The following ARHGDIB variants were observed in gnomAD, a reference collection of about 807,000 sequenced individuals.
ARHGDIB encodes the protein Rho GDP dissociation inhibitor beta.
A neutral mutation model predicts 22.6 loss-of-function variants in ARHGDIB; 20 were observed. The ratio of observed to expected loss-of-function variants is 0.88; its 90% CI spans 0.62 to 1.28. The LOEUF (loss-of-function observed/expected upper bound fraction) is 1.28, where lower values mean the gene tolerates loss of function less well. ARHGDIB is among the 50% of genes most tolerant of loss of function. ARHGDIB has a pLI of 0.00. For missense variants in ARHGDIB, 254 were observed against 245.4 expected (o/e 1.04, Z -0.23); for synonymous variants, 114 against 96.1 (o/e 1.19, Z -1.09).
chr12:14,949,824 T>C lies in ARHGDIB; in HGVS notation c.243A>G (p.Gly81=). The change falls in exon 3 of 6, where the codon GGA becomes GGG. Residue 81 remains glycine (G), a synonymous_variant. Coordinates refer to ENST00000228945, the MANE Select transcript of ARHGDIB (RefSeq NM_001175.7). ...RLTLVCESAP[G]PITMDLTGDL... Reference sequence around the variant, plus strand: ...TACCAGTAAGGTCCATGGTGATTGGTCCCGGGGCACTCTCACAAACCAGGG... The same window carrying C: ...TACCAGTAAGGTCCATGGTGATTGGCCCCGGGGCACTCTCACAAACCAGGG... The C allele has an allele frequency of 6.2e-7, 1 of 1,613,678 alleles. No homozygotes were observed. Among genetic ancestry groups the C allele is most frequent in the Non-Finnish European group, 8.5e-7 (1 of 1,179,686 alleles).
At position 14,959,407 on chromosome 12, in the gene ARHGDIB, T is replaced by C. The variant is rs190915333; in HGVS notation, c.-13+2130A>G. ...TGTGAATTGCAATTCAGAGGCATTG[T>C]GGCTATTGATCCTTTTTGTATCAGT... On this transcript the variant is annotated intron_variant, in intron 1 of 5. Coordinates refer to ENST00000228945, the MANE Select transcript of ARHGDIB (RefSeq NM_001175.7). Among the ~76,000 whole-genome samples, 247 of 152,322 alleles carry C rather than the reference T, an allele frequency of 1.6e-3. 2 individuals are homozygous for C. The Middle Eastern group carries it at 0.017, about 10-fold the overall frequency.
At chr12:14,954,714 C>T (rs1864262398) in intron 1 of ARHGDIB, among the ~76,000 whole-genome samples, 1 of 152,208 alleles carries the variant, frequency 6.6e-6, no homozygotes, top group Non-Finnish European at 1.5e-5. Flanking sequence ...CATGGGTCAG[C>T]TAAGTTACCA....
chr12:14,960,343 A>C (rs1029564184), intron 1 of ARHGDIB, among the ~76,000 whole-genome samples: 4 of 152,200 alleles, frequency 2.6e-5, no homozygotes, highest in African/African-American at 9.7e-5. Context: ...ACTTCTCCTA[A>C]TGGTGGCTGA....
chr12:14,956,333 T>A (rs942675528), intron 1 of ARHGDIB: 3 of 152,192 alleles, frequency 2.0e-5, no homozygotes, highest in Non-Finnish European at 4.4e-5. Context: ...AGTTTCATCC[T>A]CTGCAAAAAG....
rs200119691 is a variant in ARHGDIB, at chr12:14,950,560, C to G, written c.153G>C (p.Thr51=). ...DDESLIKYKK[T]LLGDGPVVTD... is the part of the protein sequence containing the mutation. The stretch of plus-strand genomic sequence containing the variant: ...TCACCACAGGACCATCTCCCAGCAG[C>G]GTTTTCTTGTACTTAATTAGACTCT... Residue 51 remains threonine (T), a synonymous_variant, in exon 2 of 6, where the codon ACG becomes ACC. Coordinates refer to ENST00000228945, the MANE Select transcript of ARHGDIB (RefSeq NM_001175.7). 6.2e-7 allele frequency: 1 copy of G among 1,613,736 alleles called. No homozygotes were observed. Among genetic ancestry groups the G allele is most frequent in the East Asian group, 2.2e-5 (1 of 44,874 alleles).
chr12:14,943,328 T>C (rs1863920713), intron 5 of ARHGDIB, among the ~76,000 whole-genome samples: 1 of 151,994 alleles, frequency 6.6e-6, no homozygotes, highest in Non-Finnish European at 1.5e-5. Flanking sequence ...AAGTTGATTC[T>C]GAGGTAAAGT....
At chr12:14,947,971 G>C (rs1053726127) in intron 3 of ARHGDIB, 22 bp from the exon 4 acceptor site, 2 of 1,584,554 alleles carry the variant, frequency 1.3e-6, no homozygotes, top group African/African-American at 1.3e-5. Context: ...GATTTAGAGA[G>C]AGTTTATCCT....
Position 14,942,830 on chromosome 12 carries a change from T to C in ARHGDIB, c.407-109A>G. 4.2e-6 allele frequency: 4 copies of C among 952,348 alleles called. No homozygotes were observed. In the East Asian group the frequency reaches 1.0e-4, roughly 25 times the overall value. 59.0% of individuals were successfully genotyped at this position (952,348 alleles called of 1,614,324 possible). On this transcript the variant is annotated intron_variant, in intron 5 of 5. Transcript: ENST00000228945. ...CTACAGTGATTAAAGTCAAGAGCAATGGTTTCCAAGCCTAAATAAACATTA... is the reference window on the plus strand; with the variant it reads ...CTACAGTGATTAAAGTCAAGAGCAACGGTTTCCAAGCCTAAATAAACATTA...
chr12:14,949,670 A>G (rs1369149439), intron 3 of ARHGDIB, 132 bp downstream of exon 3: 1 of 781,204 alleles, frequency 1.3e-6, no homozygotes, highest in African/African-American at 1.7e-5. Flanking sequence ...AAGAGCAATG[A>G]TTTGTTAACT....
At chr12:14,953,857 TTC>T (rs1209663434) in intron 1 of ARHGDIB, among the ~76,000 whole-genome samples, 2 of 150,266 alleles carry the variant, frequency 1.3e-5, no homozygotes, top group Non-Finnish European at 3.0e-5. Flanking sequence ...TTCTCTCTCT[TTC>T]TCTCTTTCTC....
At chr12:14,948,658 G>A (rs1367836010) in intron 3 of ARHGDIB, 1 of 152,216 alleles carries the variant, frequency 6.6e-6, no homozygotes, top group Non-Finnish European at 1.5e-5. Context: ...GCTTGTTAGT[G>A]ACAGAAAACC....
chr12:14,943,042 A>G (rs1342034121), intron 5 of ARHGDIB, among the ~76,000 whole-genome samples: 1 of 151,974 alleles, frequency 6.6e-6, no homozygotes, highest in African/African-American at 2.4e-5. Flanking sequence ...CTAATTTTGT[A>G]TTTTTAGTAG....
At chr12:14,955,621 A>G (rs1196873623) in intron 1 of ARHGDIB, among the ~76,000 whole-genome samples, 1 of 152,230 alleles carries the variant, frequency 6.6e-6, no homozygotes, top group Non-Finnish European at 1.5e-5. Flanking sequence ...ATACAATATT[A>G]TTAAGCATTG....
intron 1 of ARHGDIB, among the ~76,000 whole-genome samples, chr12:14,953,078 A>ATCT (rs1565463804): frequency 1.3e-5 from 2 of 152,198 alleles, no homozygotes; most frequent in Non-Finnish European, 2.9e-5. Context: ...ATAGGTCTTG[A>ATCT]TCTTCTCATC....
chr12:14,944,960 C>A, intron 4 of ARHGDIB, 121 bp from the exon 5 acceptor site: 1 of 733,974 alleles, frequency 1.4e-6, no homozygotes, highest in South Asian at 2.3e-5. Context: ...AGATTTAGTT[C>A]AGAATTGGTG....
rs1157222245 is a variant in ARHGDIB at position 14,942,484 on chromosome 12, C to T, written c.*38G>A. 39 of 1,611,576 alleles carry T rather than the reference C, an allele frequency of 2.4e-5. No individual in the cohort carries two copies. Among genetic ancestry groups the T allele is most frequent in the Non-Finnish European group, 2.8e-5 (33 of 1,178,622 alleles). ...GGTGCTGAACACGCCTGAGAGAATT[C>T]TTCCAGGTGGCAAGGGTGGGGAAAG... On this transcript the variant is annotated 3_prime_UTR_variant, in exon 6 of 6. Coordinates refer to ENST00000228945, the MANE Select transcript of ARHGDIB (RefSeq NM_001175.7).
chr12:14,948,069 T>G, intron 3 of ARHGDIB, 120 bp from the exon 4 acceptor site: 1 of 689,950 alleles, frequency 1.4e-6, no homozygotes, highest in South Asian at 1.5e-5. Flanking sequence ...CACAGGGCCC[T>G]CAATTCACAG....
chr12:14,949,832 C>T lies in ARHGDIB; in HGVS notation c.235G>A (p.Ala79Thr). The T allele has an allele frequency of 6.2e-7, 1 of 1,613,688 alleles. No individual in the cohort carries two copies. Among genetic ancestry groups the T allele is most frequent in the Non-Finnish European group, 8.5e-7 (1 of 1,179,714 alleles). Residue 79 changes from alanine to threonine, a missense_variant, in exon 3 of 6, where the codon GCC (alanine) becomes ACC (threonine). Physicochemically the swap from Ala to Thr is moderately conservative, Grantham distance 58 (BLOSUM62 0). Coordinates refer to ENST00000228945, the MANE Select transcript of ARHGDIB (RefSeq NM_001175.7). ...AGGTCCATGGTGATTGGTCCCGGGG[C>T]ACTCTCACAAACCAGGGTGAGCCGG... ...VTRLTLVCES[A>T]PGPITMDLTG... is the part of the protein sequence containing the mutation.
chr12:14,954,018 A>T (rs1036005837), intron 1 of ARHGDIB, among the ~76,000 whole-genome samples: 1 of 146,368 alleles, frequency 6.8e-6, no homozygotes, highest in East Asian at 2.0e-4. Flanking sequence ...TTACTCTGTC[A>T]CCCAGGCTGG....
Sources: allele counts gnomAD v4.1 joint callset (sites outside exome capture counted in the v4.1 genomes callset), GRCh38; gene constraint gnomAD v4.1.1; transcripts MANE v1.5; gene names NCBI Gene and HGNC (gene_info 2026-07-23, HGNC 2026-07-21).